MALRD1: variants seen among roughly 807,000 people sequenced by gnomAD.
MALRD1 encodes MAM and LDL-receptor class A domain-containing protein 1.
A neutral mutation model predicts 242.1 loss-of-function variants in MALRD1; 247 were observed. The observed-to-expected ratio is 1.02, with a 90% CI of 0.92 to 1.13. The LOEUF (loss-of-function observed/expected upper bound fraction) is 1.13, where lower values mean the gene tolerates loss of function less well. MALRD1 is among the 50% of genes most tolerant of loss of function. The probability of loss-of-function intolerance (pLI) is 0.00; values close to 1 mark genes in which losing one functional copy is unlikely to be tolerated. For missense variants in MALRD1, 2,989 were observed against 2,533.1 expected (o/e 1.18, Z -3.86); for synonymous variants, 995 against 866.6 (o/e 1.15, Z -2.60).
chr10:19,369,146 ATTATATATAAACTAATAT>A (rs1316382691), intron 26 of MALRD1, among the ~76,000 whole-genome samples: 1 of 137,058 alleles, frequency 7.3e-6, no homozygotes, highest in Admixed American at 7.9e-5. Flanking sequence ...TAAATTTAAT[ATTATATATAAACTAATAT>A]TTATATATAA....
chr10:19,082,440 G>A (rs977152962), intron 2 of MALRD1, among the ~76,000 whole-genome samples: 3 of 151,512 alleles, frequency 2.0e-5, no homozygotes, highest in Non-Finnish European at 4.4e-5. Context: ...ATATCTACCT[G>A]TTTATTGATG....
At chr10:19,233,565 AT>A (rs111574608) in intron 18 of MALRD1, among the ~76,000 whole-genome samples, 12 of 151,664 alleles carry the variant, frequency 7.9e-5, no homozygotes, top group African/African-American at 2.2e-4. Flanking sequence ...ATTGTAAATG[AT>A]TTTTTTTCCC....
At chr10:19,262,966 A>AT (rs1459229015) in intron 19 of MALRD1, among the ~76,000 whole-genome samples, 6 of 152,048 alleles carry the variant, frequency 3.9e-5, no homozygotes, top group East Asian at 1.9e-4. Flanking sequence ...GGATTTCTTG[A>AT]TTTTTTTAAA....
At chr10:19,446,718 G>A (rs1446535729) in intron 28 of MALRD1, among the ~76,000 whole-genome samples, 1 of 152,126 alleles carries the variant, frequency 6.6e-6, no homozygotes, top group African/African-American at 2.4e-5. Flanking sequence ...TTGGAAAAAG[G>A]TTAAATTATG....
At chr10:19,405,195 C>T (rs1367140695) in intron 28 of MALRD1, among the ~76,000 whole-genome samples, 3 of 152,044 alleles carry the variant, frequency 2.0e-5, no homozygotes, top group Non-Finnish European at 4.4e-5. Context: ...TGTTATTTTG[C>T]ATGAAGGAAG....
chr10:19,152,120 G>A (rs1477044967), intron 11 of MALRD1, among the ~76,000 whole-genome samples: 1 of 152,116 alleles, frequency 6.6e-6, no homozygotes, highest in Non-Finnish European at 1.5e-5. Context: ...TAGCCACTCT[G>A]GGGTATGTGG....
intron 36 of MALRD1, among the ~76,000 whole-genome samples, chr10:19,673,465 A>T (rs965878573): frequency 6.6e-6 from 1 of 152,194 alleles, no homozygotes; most frequent in Non-Finnish European, 1.5e-5. Flanking sequence ...GGCAGTGTTC[A>T]CTAAATGCTG....
At chr10:19,620,370 C>G (rs1025720536) in intron 36 of MALRD1, among the ~76,000 whole-genome samples, 1 of 151,892 alleles carries the variant, frequency 6.6e-6, no homozygotes, top group East Asian at 1.9e-4. Context: ...TCTTTGTGTC[C>G]AAGTATATTT....
chr10:19,214,455 A>T (rs7071296), intron 18 of MALRD1, among the ~76,000 whole-genome samples: 134 of 152,254 alleles, frequency 8.8e-4, no homozygotes, highest in African/African-American at 3.0e-3. Context: ...AGTCAACCTA[A>T]CTGATATTTA....
intron 2 of MALRD1, among the ~76,000 whole-genome samples, chr10:19,076,900 C>A (rs1203532619): frequency 1.3e-5 from 2 of 151,848 alleles, no homozygotes; most frequent in Admixed American, 6.6e-5. Context: ...GTCATCTGAA[C>A]AATATTAAGT....
chr10:19,161,917 A>G (rs1328876306), intron 12 of MALRD1, among the ~76,000 whole-genome samples: 2 of 152,000 alleles, frequency 1.3e-5, no homozygotes, highest in Non-Finnish European at 2.9e-5. Flanking sequence ...AGTCCCAGCT[A>G]CTCTGGAGGC....
In MALRD1 at chr10:19,719,215, C is replaced by CATATATAT. The variant is rs1366048990; in HGVS notation, c.6315-11488_6315-11487insTATATATA. On this transcript the variant is annotated intron_variant, in intron 38 of 39. Coordinates refer to ENST00000454679, the MANE Select transcript of MALRD1 (RefSeq NM_001142308.3). ...ACATACATATATATATATATATACA[C>CATATATAT]ATACATACATATATATATATATATA... is the stretch of plus-strand genomic sequence containing the variant. 8.3e-5 allele frequency among the ~76,000 whole-genome samples: 7 copies of CATATATAT among 84,290 alleles called. 1 individual carries two copies. The highest frequency in any genetic ancestry group is 6.5e-4 in the East Asian group (2 of 3,064). 55.3% of individuals were successfully genotyped at this position (84,290 alleles called of 152,430 possible). A position where few individuals can be genotyped will look rare whatever the true frequency, so the allele number is the denominator to read the frequency against.
At chr10:19,131,354 G>A (rs546654280) in intron 8 of MALRD1, among the ~76,000 whole-genome samples, 1 of 152,180 alleles carries the variant, frequency 6.6e-6, no homozygotes, top group African/African-American at 2.4e-5. Context: ...TAGAACTTGA[G>A]AAGTGAAAAA....
chr10:19,211,435 C>G (rs1837060930), intron 18 of MALRD1, among the ~76,000 whole-genome samples: 1 of 151,868 alleles, frequency 6.6e-6, no homozygotes, highest in Admixed American at 6.6e-5. Flanking sequence ...GGGCTCACAC[C>G]TGTAATCCCA....
intron 21 of MALRD1, among the ~76,000 whole-genome samples, chr10:19,314,236 A>G (rs190828661): frequency 2.6e-5 from 4 of 151,738 alleles, no homozygotes; most frequent in African/African-American, 7.2e-5. Context: ...ATTGATATCT[A>G]TAATGTTGAA....
At chr10:19,530,360 T>A (rs1345914829) in intron 31 of MALRD1, among the ~76,000 whole-genome samples, 10 of 109,020 alleles carry the variant, frequency 9.2e-5, no homozygotes, top group African/African-American at 5.6e-4. Context: ...ATATAATATT[T>A]ATATAAATAT....
chr10:19,283,210 T>C (rs1287324907), intron 21 of MALRD1, 29 bp downstream of exon 21: 1 of 1,429,428 alleles, frequency 7.0e-7, no homozygotes, highest in African/African-American at 1.4e-5. Context: ...TGAATATCTC[T>C]CTTGGGAAAT....
At chr10:19,556,803 A>G (rs1364156436) in intron 32 of MALRD1, among the ~76,000 whole-genome samples, 1 of 152,172 alleles carries the variant, frequency 6.6e-6, no homozygotes, top group African/African-American at 2.4e-5. Flanking sequence ...TTCACATGGT[A>G]AGAGTATGTT....
At chr10:19,600,605 T>C (rs1410786295) in intron 34 of MALRD1, among the ~76,000 whole-genome samples, 2 of 152,174 alleles carry the variant, frequency 1.3e-5, no homozygotes, top group Non-Finnish European at 2.9e-5. Flanking sequence ...ATTAGAAATA[T>C]TGACCTGCTG....
Sources: allele counts gnomAD v4.1 joint callset (sites outside exome capture counted in the v4.1 genomes callset), GRCh38; gene constraint gnomAD v4.1.1; transcripts MANE v1.5; gene names NCBI Gene and HGNC (gene_info 2026-07-23, HGNC 2026-07-21).